Variants in CDK10 observed in about 807,000 individuals in gnomAD.
CDK10 encodes the protein cyclin-dependent kinase 10.
A neutral mutation model predicts 51.0 loss-of-function variants in CDK10; 55 were observed. The observed-to-expected ratio is 1.08, with a 90% confidence interval of 0.87 to 1.35. The LOEUF is 1.35. Ranked by LOEUF, CDK10 falls within the 40% of genes most tolerant of loss-of-function variation. CDK10 has a pLI of 0.00. For missense variants in CDK10, 589 were observed against 485.1 expected, an observed-to-expected ratio of 1.21 and a Z score of -2.01; for synonymous variants, 255 against 199.1, an observed-to-expected ratio of 1.28 and a Z score of -2.36.
Position 89,690,732 on chromosome 16 carries a change from G to A in CDK10, c.232+108G>A, listed in dbSNP as rs1429773417. On this transcript the variant is annotated intron_variant, in intron 3 of 12. Transcript: ENST00000353379. ...CTGCACGGTGCTTGTAGCGGGGGCC[G>A]GCCTCTGGGAGGGTTCTGGTGTGGC... The A allele has an allele frequency of 1.7e-5, 17 of 976,254 alleles. No homozygotes were observed. The Admixed American group carries it at 2.0e-4, about 11-fold the overall frequency. The allele number at this position is 976,254 out of a possible 1,614,324, so 60.5% of individuals were successfully genotyped here.
At chr16:89,693,038 C>T (rs540446792) in intron 6 of CDK10, among the ~76,000 whole-genome samples, 9 of 150,820 alleles carry the variant, frequency 6.0e-5, no homozygotes, top group African/African-American at 9.8e-5. Flanking sequence ...CTTGGGAGGC[C>T]GAGGCAGGAG....
chr16:89,689,494 CATT>C (rs1481373042), intron 2 of CDK10, 170 bp downstream of exon 2: 6 of 627,334 alleles, frequency 9.6e-6, no homozygotes, highest in African/African-American at 7.3e-5. Context: ...TTATCACAAA[CATT>C]GTACCATTTC....
chr16:89,694,301 C>A, intron 9 of CDK10, 69 bp downstream of exon 9: 1 of 1,521,552 alleles, frequency 6.6e-7, no homozygotes, highest in Non-Finnish European at 9.1e-7. Flanking sequence ...TCACCTGGTT[C>A]CTGAGCTCAG....
At position 89,696,275 on chromosome 16, in the gene CDK10, T is replaced by C. The variant is rs74033834; in HGVS notation, c.*583T>C. On this transcript the variant is annotated 3_prime_UTR_variant, in exon 13 of 13. Coordinates refer to ENST00000353379, the MANE Select transcript of CDK10 (RefSeq NM_052988.5). ...CTGAGCTGCATCCCTGCTCCCCACA[T>C]GGAGGACCCAACAGGAGGCCGTGGC... 630 of 224,332 alleles carry C rather than the reference T, an allele frequency of 2.8e-3. 3 individuals carry two copies. The highest frequency in any genetic ancestry group is 0.014 in the African/African-American group (615 of 43,830). 13.9% of individuals were successfully genotyped at this position (224,332 alleles called of 1,614,324 possible).
intron 1 of CDK10, among the ~76,000 whole-genome samples, chr16:89,688,951 T>C (rs2151562251): frequency 6.6e-6 from 1 of 152,140 alleles, no homozygotes; most frequent in South Asian, 2.1e-4. Flanking sequence ...AAATAGAAAA[T>C]TAGGCGGTTG....
Position 89,689,317 on chromosome 16 carries a change from C to G in CDK10, c.153C>G (p.Gly51=). The change falls in exon 2 of 13, where the codon GGC becomes GGG. Residue 51 remains glycine (G), a synonymous_variant. Transcript: ENST00000353379. ...KLNRIGEGTY[G]IVYRARDTQT... ...ACCGCATTGGAGAGGGTACCTACGG[C>G]ATTGTGTGTGAGTGGCCAAGGCTAG... is the stretch of plus-strand genomic sequence containing the variant. The G allele has an allele frequency of 1.2e-6, 2 of 1,613,794 alleles. No individual in the cohort carries two copies. Among genetic ancestry groups the G allele is most frequent in the Non-Finnish European group, 1.7e-6 (2 of 1,179,764 alleles).
rs943803592 is a variant in CDK10, at chr16:89,691,872, C to G, written c.402C>G (p.Pro134=). Residue 134 remains proline, a synonymous_variant, in exon 5 of 13, where the codon CCC becomes CCG. Coordinates refer to ENST00000353379, the MANE Select transcript of CDK10 (RefSeq NM_052988.5). ...LASLLENMPT[P]FSEAQVKCIV... ...GCCTCCTGGAGAATATGCCAACACC[C>G]TTCTCGGAGGCTCAGGTGCGTGGCA... is the stretch of plus-strand genomic sequence containing the variant. 1.9e-6 allele frequency: 3 copies of G among 1,613,900 alleles called. No homozygotes were observed. Among genetic ancestry groups the G allele is most frequent in the African/African-American group, 2.7e-5 (2 of 74,918 alleles).
At chr16:89,686,975 G>A (rs2060218285) in intron 1 of CDK10, 178 bp downstream of exon 1, 1 of 546,342 alleles carries the variant, frequency 1.8e-6, no homozygotes, top group Admixed American at 3.9e-5. Context: ...CAGGACCCCC[G>A]ACAGCCGGTC....
chr16:89,691,396 C>G (rs2060440877), intron 3 of CDK10, 47 bp from the exon 4 acceptor site: 1 of 1,451,672 alleles, frequency 6.9e-7, no homozygotes, highest in Non-Finnish European at 9.4e-7. Flanking sequence ...TTGGGGCTTC[C>G]CCGCCATCAC....
intron 12 of CDK10, 40 bp from the exon 13 acceptor site, chr16:89,695,555 G>A: frequency 6.4e-7 from 1 of 1,574,656 alleles, no homozygotes; most frequent in Non-Finnish European, 8.6e-7. Context: ...CTCCTATCTG[G>A]GGCCCTGCCC....
chr16:89,689,476 T>C, intron 2 of CDK10, 152 bp downstream of exon 2: 1 of 654,104 alleles, frequency 1.5e-6, no homozygotes, highest in Non-Finnish European at 2.8e-6. Context: ...CTTCAATTCC[T>C]GATGTAGTTA....
rs1416629783 is a variant in CDK10, at chr16:89,693,312, G to C, written c.524G>C (p.Gly175Ala). 6.2e-7 allele frequency: 1 copy of C among 1,614,044 alleles called. No homozygotes were observed. Among genetic ancestry groups the C allele is most frequent in the African/African-American group, 1.3e-5 (1 of 74,914 alleles). ...TCCAACTTGCTCATGACCGACAAGG[G>C]TTGTGTGAAGACAGGTGGGTGCAAC... ...KVSNLLMTDKGCVKTADFGLA... is the reference protein window; with the variant it reads ...KVSNLLMTDKACVKTADFGLA... Residue 175 changes from glycine to alanine, a missense_variant, in exon 7 of 13, where the codon GGT (glycine) becomes GCT (alanine). Coordinates refer to ENST00000353379, the MANE Select transcript of CDK10 (RefSeq NM_052988.5).
Position 89,695,171 on chromosome 16 carries a change from G to A in CDK10, c.932+101G>A, listed in dbSNP as rs546017098. On this transcript the variant is annotated intron_variant, in intron 11 of 12. Transcript: ENST00000353379. ...CTGCGGTGGAGAGGCCCCTCCCCAG[G>A]CACAGCCGCTCGGAGTGGCCACCTG... The A allele has an allele frequency of 3.8e-5, 58 of 1,541,782 alleles. No homozygotes were observed. In the East Asian group the frequency reaches 1.3e-3, roughly 34 times the overall value.
At chr16:89,692,183 G>T in intron 5 of CDK10, 1 of 546,338 alleles carries the variant, frequency 1.8e-6, no homozygotes, top group Non-Finnish European at 3.2e-6. Context: ...GCTGCTGGGA[G>T]CGGGGAGCCC....
chr16:89,689,126 T>G, intron 1 of CDK10, 126 bp from the exon 2 acceptor site: 4 of 789,086 alleles, frequency 5.1e-6, no homozygotes, highest in South Asian at 1.6e-5. Flanking sequence ...AGCCCAAACG[T>G]GTGGTTGCCT....
Position 89,694,683 on chromosome 16 carries a change from G to A in CDK10, c.687G>A (p.Leu229=). The A allele has an allele frequency of 6.3e-7, 1 of 1,589,654 alleles. No individual in the cohort carries two copies. The highest frequency in any genetic ancestry group is 8.6e-7 in the Non-Finnish European group (1 of 1,169,020). ...TCTGCAGGGCTGTGGGCTGCATACT[G>A]GCCGAGCTGCTGGCGCACAGGCCTC... The part of the protein sequence containing the change: ...SIDMWAVGCI[L]AELLAHRPLL... The change falls in exon 10 of 13, where the codon CTG becomes CTA. Residue 229 remains leucine, a synonymous_variant. Transcript: ENST00000353379.
chr16:89,692,855 A>G (rs984789110), intron 6 of CDK10, among the ~76,000 whole-genome samples: 2 of 146,688 alleles, frequency 1.4e-5, no homozygotes, highest in East Asian at 2.2e-4. Flanking sequence ...TAAAGATACT[A>G]CGCCGGGCAC....
chr16:89,690,463 C>T, intron 2 of CDK10, 90 bp from the exon 3 acceptor site: 3 of 1,094,674 alleles, frequency 2.7e-6, no homozygotes, highest in Non-Finnish European at 4.2e-6. Context: ...AACGGGGACC[C>T]CTGTGGCTCA....
intron 2 of CDK10, 79 bp downstream of exon 2, chr16:89,689,403 G>C: frequency 7.8e-7 from 1 of 1,287,158 alleles, no homozygotes. Context: ...AGCAGCAGCC[G>C]CGTTGGGGCT....
Sources: allele counts gnomAD v4.1 joint callset (sites outside exome capture counted in the v4.1 genomes callset), GRCh38; gene constraint gnomAD v4.1.1; transcripts MANE v1.5; gene names NCBI Gene and HGNC (gene_info 2026-07-23, HGNC 2026-07-21).